The following BOD1L1 variants were observed in gnomAD, a reference collection of about 807,000 sequenced individuals.
The protein encoded by BOD1L1 is biorientation of chromosomes in cell division 1 like 1.
In BOD1L1, 86 loss-of-function variants were observed where a neutral mutation model predicts 240.7. The ratio of observed to expected loss-of-function variants is 0.36; its 90% CI spans 0.30 to 0.43. The LOEUF (loss-of-function observed/expected upper bound fraction) is 0.43. BOD1L1 is among the 20% of genes least tolerant of loss of function. The probability of loss-of-function intolerance (pLI) is 1.00; values close to 1 mark genes in which losing one functional copy is unlikely to be tolerated. For synonymous variants in BOD1L1, 1,268 were observed against 1,272.3 expected (o/e 1.00, Z 0.07); for missense variants, 3,554 against 3,643.5 (o/e 0.98, Z 0.63).
At position 13,614,716 on chromosome 4, in the gene BOD1L1, A is replaced by G; in HGVS notation, c.654T>C (p.Ala218=). The part of the protein sequence containing the change: ...ITSLNQEASA[A]RASTETSNAK... ...CATTTGATGTTTCTGTTGAAGCCCT[A>G]GCAGCACTGGCTTCTTGGTTAAGAG... Residue 218 remains alanine, a synonymous_variant, in exon 4 of 26, where the codon GCT becomes GCC. Transcript: ENST00000040738. The G allele has an allele frequency of 6.2e-7, 1 of 1,613,930 alleles. No homozygotes were observed. The highest frequency in any genetic ancestry group is 2.2e-5 in the East Asian group (1 of 44,878).
chr4:13,614,413 T>A lies in BOD1L1; in HGVS notation c.957A>T (p.Thr319=). 6.3e-7 allele frequency: 1 copy of A among 1,589,848 alleles called. No homozygotes were observed. The highest frequency in any genetic ancestry group is 8.6e-7 in the Non-Finnish European group (1 of 1,166,062). ...TGTCTGGCTTCTTTTCACCTTTGTC[T>A]GTTGATTTATTTTTTTGCTCACTGC... ...QESSEQKNKS[T]DKGEKKPDSN... Residue 319 remains threonine (T), a synonymous_variant, in exon 4 of 26, where the codon ACA becomes ACT. Transcript: ENST00000040738.
chr4:13,599,174 A>G lies in BOD1L1; in HGVS notation c.7726T>C (p.Ser2576Pro). The G allele has an allele frequency of 6.2e-7, 1 of 1,613,982 alleles. No individual in the cohort carries two copies. Among genetic ancestry groups the G allele is most frequent in the South Asian group, 1.1e-5 (1 of 91,082 alleles). Residue 2576 changes from serine (S) to proline (P), a missense_variant, in exon 10 of 26, where the codon TCA (serine) becomes CCA (proline). Around this residue, in one of 2 missense-constraint regions of BOD1L1, gnomAD observed 3,393 missense variants for 3,427.1 expected, o/e 0.99. Transcript: ENST00000040738. The part of the protein sequence containing the change: ...STTKCITGQE[S>P]KIAPSHTMIP... Reference sequence around the variant, plus strand: ...ATTGTGTGGGAAGGAGCAATTTTTGATTCTTGGCCAGTAATACATTTGGTG... The same window carrying G: ...ATTGTGTGGGAAGGAGCAATTTTTGGTTCTTGGCCAGTAATACATTTGGTG...
At chr4:13,610,226 G>A (rs1032691223) in intron 6 of BOD1L1, among the ~76,000 whole-genome samples, 10 of 152,156 alleles carry the variant, frequency 6.6e-5, no homozygotes, top group African/African-American at 2.2e-4. Context: ...TTAAAAAGCT[G>A]TTATTAATTC....
chr4:13,612,668 T>A (rs988332674), intron 5 of BOD1L1, among the ~76,000 whole-genome samples: 4 of 152,204 alleles, frequency 2.6e-5, no homozygotes, highest in South Asian at 2.1e-4. Context: ...CATTAGCTTC[T>A]GGGAGGTAAT....
At chr4:13,593,171 T>C (rs1451873292) in intron 12 of BOD1L1, 1 of 152,102 alleles carries the variant, frequency 6.6e-6, no homozygotes, top group Non-Finnish European at 1.5e-5. Context: ...AAATTCGAAA[T>C]ACTTCTGACC....
intron 1 of BOD1L1, among the ~76,000 whole-genome samples, 180 bp from the exon 2 acceptor site, chr4:13,620,247 T>G (rs955352211): frequency 6.6e-6 from 1 of 152,120 alleles, no homozygotes; most frequent in East Asian, 1.9e-4. Flanking sequence ...TTTGGAGATA[T>G]GAGGAATATA....
intron 17 of BOD1L1, among the ~76,000 whole-genome samples, chr4:13,585,619 T>C (rs1713616085): frequency 6.6e-6 from 1 of 151,922 alleles, no homozygotes; most frequent in African/African-American, 2.4e-5. Context: ...ATCCTTAGAG[T>C]ACCCAGATTT....
chr4:13,580,940 CA>C (rs1713175346), intron 21 of BOD1L1, 79 bp downstream of exon 21: 1 of 1,323,442 alleles, frequency 7.6e-7, no homozygotes, highest in African/African-American at 1.5e-5. Flanking sequence ...AAATAAAGTT[CA>C]AAATACTAGA....
chr4:13,602,040 C>A lies in BOD1L1; in HGVS notation c.4860G>T (p.Val1620=), dbSNP rs754741869. 1 of 1,614,018 alleles carries A rather than the reference C, an allele frequency of 6.2e-7. No individual in the cohort carries two copies. Among genetic ancestry groups the A allele is most frequent in the South Asian group, 1.1e-5 (1 of 91,090 alleles). Residue 1620 remains valine, a synonymous_variant, in exon 10 of 26, where the codon GTG becomes GTT. Coordinates refer to ENST00000040738, the MANE Select transcript of BOD1L1 (RefSeq NM_148894.3). ...CTGCTGCTCTGTCCTCAGATTCAGC[C>A]ACAGCACACTCCCCACTTTCCCCTT... is the stretch of plus-strand genomic sequence containing the variant. The part of the protein sequence containing the change: ...TKEGESGECA[V]AESEDRAADL...
chr4:13,585,551 TTC>T (rs1239614925), intron 17 of BOD1L1, among the ~76,000 whole-genome samples: 1 of 151,714 alleles, frequency 6.6e-6, no homozygotes, highest in Admixed American at 6.6e-5. Context: ...TGTGAGGAGG[TTC>T]TGTGAGTCAT....
At chr4:13,591,797 T>C (rs1714240692) in intron 13 of BOD1L1, 126 bp downstream of exon 13, 1 of 648,796 alleles carries the variant, frequency 1.5e-6, no homozygotes, top group Non-Finnish European at 2.6e-6. Flanking sequence ...CACTACCAAA[T>C]GCCTCCTGGC....
Position 13,601,340 on chromosome 4 carries a change from T to C in BOD1L1, c.5560A>G (p.Ile1854Val). The change falls in exon 10 of 26, where the codon ATT (isoleucine) becomes GTT (valine). Residue 1854 changes from isoleucine to valine, a missense_variant. By Grantham distance (29) the Ile-to-Val change is conservative. Transcript: ENST00000040738. ...VAAGPCDDEG[I>V]VTSTGAKEED... ...TCTTTTGCGCCTGTGCTAGTCACAA[T>C]GCCTTCATCATCACAAGGACCAGCA... The C allele has an allele frequency of 6.2e-7, 1 of 1,614,062 alleles. No homozygotes were observed. Among genetic ancestry groups the C allele is most frequent in the Non-Finnish European group, 8.5e-7 (1 of 1,179,906 alleles).
In BOD1L1 at chr4:13,600,828, T is replaced by C; in HGVS notation, c.6072A>G (p.Thr2024=). 6.2e-7 allele frequency: 1 copy of C among 1,613,888 alleles called. No homozygotes were observed. The highest frequency in any genetic ancestry group is 1.1e-5 in the South Asian group (1 of 91,048). The change falls in exon 10 of 26, where the codon ACA becomes ACG. Residue 2024 remains threonine (T), a synonymous_variant. Transcript: ENST00000040738. The part of the protein sequence containing the change: ...GEVPECEVAH[T]SPSEKEDEDI... ...CCTCATCTTCTTTTTCACTTGGTGA[T>C]GTGTGAGCAACTTCACATTCTGGGA...
Position 13,614,406 on chromosome 4 carries a change from C to T in BOD1L1, c.964G>A (p.Gly322Ser), listed in dbSNP as rs747548607. Residue 322 changes from glycine to serine, a missense_variant, in exon 4 of 26, where the codon GGT becomes AGT. Physicochemically the swap from Gly to Ser is moderately conservative, Grantham distance 56 (BLOSUM62 0). Coordinates refer to ENST00000040738, the MANE Select transcript of BOD1L1 (RefSeq NM_148894.3). ...TCATTGCTGTCTGGCTTCTTTTCAC[C>T]TTTGTCTGTTGATTTATTTTTTTGC... ...SEQKNKSTDKGEKKPDSNEKG... is the reference protein window; with the variant it reads ...SEQKNKSTDKSEKKPDSNEKG... The T allele has an allele frequency of 6.3e-7, 1 of 1,580,792 alleles. No individual in the cohort carries two copies. The highest frequency in any genetic ancestry group is 1.1e-5 in the South Asian group (1 of 88,004).
At chr4:13,595,991 C>T in intron 11 of BOD1L1, 47 bp from the exon 12 acceptor site, 1 of 1,494,528 alleles carries the variant, frequency 6.7e-7, no homozygotes, top group Non-Finnish European at 9.3e-7. Context: ...AGGGTTTTTA[C>T]AAGAAGACTA....
Position 13,599,521 on chromosome 4 carries a change from T to G in BOD1L1, c.7379A>C (p.Glu2460Ala). 1 of 1,614,048 alleles carries G rather than the reference T, an allele frequency of 6.2e-7. No individual in the cohort carries two copies. Among genetic ancestry groups the G allele is most frequent in the Non-Finnish European group, 8.5e-7 (1 of 1,179,900 alleles). ...KESTLHLINA[E>A]EKNVLLNSLQ... The stretch of plus-strand genomic sequence containing the variant: ...GGAGTTCAACAATACATTCTTCTCT[T>G]CTGCATTTATGAGGTGTAAAGTGCT... The change falls in exon 10 of 26, where the codon GAA (glutamate) becomes GCA (alanine). Residue 2460 changes from glutamate (E) to alanine (A), a missense_variant. By Grantham distance (107) the Glu-to-Ala change is moderately radical. Around this residue, in one of 2 missense-constraint regions of BOD1L1, gnomAD observed 3,393 missense variants for 3,427.1 expected, o/e 0.99. Coordinates refer to ENST00000040738, the MANE Select transcript of BOD1L1 (RefSeq NM_148894.3).
intron 2 of BOD1L1, among the ~76,000 whole-genome samples, chr4:13,617,360 T>C (rs1012816334): frequency 6.6e-6 from 1 of 152,216 alleles, no homozygotes; most frequent in African/African-American, 2.4e-5. Context: ...AGCCTCTTGT[T>C]TTGCAAACAA....
rs562279017 is a variant in BOD1L1, at chr4:13,611,219, G to A, written c.1325-119C>T. 9.8e-5 allele frequency: 62 copies of A among 635,104 alleles called. No homozygotes were observed. In the East Asian group the frequency reaches 1.8e-3, roughly 19 times the overall value. 39.3% of individuals were successfully genotyped at this position (635,104 alleles called of 1,614,324 possible). On this transcript the variant is annotated intron_variant, in intron 5 of 25. Transcript: ENST00000040738. ...GGTCCAAAAGGGGAAATATCAGGAT[G>A]TGAAGATTTCAGAAATTGACTTTTA...
Position 13,600,800 on chromosome 4 carries a change from T to A in BOD1L1, c.6100A>T (p.Ile2034Phe), listed in dbSNP as rs538872440. Residue 2034 changes from isoleucine (I) to phenylalanine (F), a missense_variant, in exon 10 of 26, where the codon ATC becomes TTC. Physicochemically the swap from Ile to Phe is conservative, Grantham distance 21. Around this residue, in one of 2 missense-constraint regions of BOD1L1, gnomAD observed 3,393 missense variants for 3,427.1 expected, o/e 0.99. Coordinates refer to ENST00000040738, the MANE Select transcript of BOD1L1 (RefSeq NM_148894.3). Reference protein sequence around the residue: ...TSPSEKEDEDIITSVENEECD... With the variant: ...TSPSEKEDEDFITSVENEECD... ...TCTTCATTTTCTACAGAGGTGATGA[T>A]GTCCTCATCTTCTTTTTCACTTGGT... The A allele has an allele frequency of 6.2e-7, 1 of 1,613,944 alleles. No homozygotes were observed. Among genetic ancestry groups the A allele is most frequent in the African/African-American group, 1.3e-5 (1 of 75,060 alleles).
Sources: gnomAD v4.1 joint callset for allele counts (sites outside exome capture counted in the v4.1 genomes callset) on GRCh38, gnomAD v4.1.1 for gene constraint, gnomAD v4.1.1 regional missense constraint, MANE v1.5 for transcripts, NCBI Gene and HGNC (gene_info 2026-07-23, HGNC 2026-07-21) for gene names.